Variants in PLCG2 observed in about 807,000 individuals in gnomAD.
The protein encoded by PLCG2 is phospholipase C gamma 2.
PLCG2 carries 69 observed loss-of-function variants against 175.6 expected under a neutral mutation model. The observed-to-expected ratio is 0.39, with a 90% CI of 0.32 to 0.48. The LOEUF is 0.48. PLCG2 is among the 20% of genes least tolerant of loss of function. The pLI is 0.91. For synonymous variants in PLCG2, 827 were observed against 624.0 expected (o/e 1.33, Z -4.85); for missense variants, 1,798 against 1,650.9 (o/e 1.09, Z -1.54).
At chr16:81,762,586 AT>A (rs1910064605) in intron 2 of PLCG2, among the ~76,000 whole-genome samples, 1 of 152,082 alleles carries the variant, frequency 6.6e-6, no homozygotes. Context: ...AAAAAAGTGT[AT>A]AAAATTGTCT....
At chr16:81,824,204 G>C (rs987657681) in intron 2 of PLCG2, among the ~76,000 whole-genome samples, 74 of 147,406 alleles carry the variant, frequency 5.0e-4, no homozygotes, top group African/African-American at 1.8e-3. Flanking sequence ...CGTGATCTCA[G>C]CTCACCGCAA....
chr16:81,807,944 A>G (rs1306062725), intron 2 of PLCG2, among the ~76,000 whole-genome samples: 3 of 152,200 alleles, frequency 2.0e-5, no homozygotes, highest in Non-Finnish European at 2.9e-5. Context: ...AAAACCGTTA[A>G]TGAGCAATTC....
intron 1 of PLCG2, among the ~76,000 whole-genome samples, chr16:81,752,464 G>A (rs1275910713): frequency 6.6e-6 from 1 of 152,164 alleles, no homozygotes; most frequent in Non-Finnish European, 1.5e-5. Flanking sequence ...GGCTGGCCGT[G>A]GCAGCACTAA....
intron 2 of PLCG2, among the ~76,000 whole-genome samples, chr16:81,854,014 G>A (rs1235262814): frequency 1.3e-5 from 2 of 152,116 alleles, no homozygotes; most frequent in East Asian, 1.9e-4. Context: ...CAAGGGAAAA[G>A]GTCATCAAGG....
At chr16:81,818,398 G>T (rs7206632) in intron 2 of PLCG2, among the ~76,000 whole-genome samples, 1 of 152,314 alleles carries the variant, frequency 6.6e-6, no homozygotes, top group East Asian at 1.9e-4. Context: ...TCTTTGAAAG[G>T]GGGCTGTTTG....
At chr16:81,851,715 G>T (rs996072681) in intron 2 of PLCG2, among the ~76,000 whole-genome samples, 4 of 152,228 alleles carry the variant, frequency 2.6e-5, no homozygotes, top group African/African-American at 9.6e-5. Flanking sequence ...GTTTCACCTT[G>T]TTGGCCAGGC....
chr16:81,759,241 A>G (rs1909990543), intron 2 of PLCG2, among the ~76,000 whole-genome samples: 1 of 152,248 alleles, frequency 6.6e-6, no homozygotes, highest in Non-Finnish European at 1.5e-5. Context: ...CCTATTCTGT[A>G]GGCTCCAGTT....
At chr16:81,745,806 T>A (rs140953816) in intron 1 of PLCG2, among the ~76,000 whole-genome samples, 284 of 152,302 alleles carry the variant, frequency 1.9e-3, no homozygotes, top group Non-Finnish European at 3.4e-3. Context: ...GGCATGGGCA[T>A]GTATGTTTAA....
intron 31 of PLCG2, among the ~76,000 whole-genome samples, chr16:81,948,807 G>A (rs1160277728): frequency 6.6e-6 from 1 of 152,194 alleles, no homozygotes. Flanking sequence ...ACCCAAGAGT[G>A]TGACATGACT....
intron 2 of PLCG2, among the ~76,000 whole-genome samples, chr16:81,830,524 C>G (rs529340929): frequency 2.1e-4 from 32 of 151,994 alleles, no homozygotes; most frequent in Non-Finnish European, 4.0e-4. Flanking sequence ...CCATGCTGGT[C>G]TTGGAACTCC....
chr16:81,900,719 C>T lies in PLCG2; in HGVS notation c.1301C>T (p.Thr434Met), dbSNP rs757785924. Residue 434 changes from threonine (T) to methionine (M), a missense_variant, in exon 14 of 33, where the codon ACG becomes ATG. Coordinates refer to ENST00000564138, the MANE Select transcript of PLCG2 (RefSeq NM_002661.5). ...VFGDLLLTKP[T>M]EASADQLPSP... The stretch of plus-strand genomic sequence containing the variant: ...GGCGACCTGCTGTTGACGAAGCCCA[C>T]GGAGGCCAGTGCTGACCAGCTGCCC... 2.0e-5 allele frequency: 33 copies of T among 1,613,212 alleles called. No homozygotes were observed. The highest frequency in any genetic ancestry group is 3.3e-5 in the Admixed American group (2 of 59,970).
chr16:81,758,926 C>A (rs1024284068), intron 2 of PLCG2, among the ~76,000 whole-genome samples: 150 of 152,352 alleles, frequency 9.8e-4, no homozygotes, highest in African/African-American at 3.3e-3. Flanking sequence ...GATCCACCTG[C>A]CTCGGCCTCC....
At chr16:81,883,143 A>G (rs1389207948) in intron 8 of PLCG2, 126 bp from the exon 9 acceptor site, 2 of 752,210 alleles carry the variant, frequency 2.7e-6, no homozygotes, top group Non-Finnish European at 4.7e-6. Flanking sequence ...CCAACCTGGT[A>G]CCTAACACAG....
chr16:81,823,509 T>G (rs918864101), intron 2 of PLCG2, among the ~76,000 whole-genome samples: 1 of 152,160 alleles, frequency 6.6e-6, no homozygotes, highest in Non-Finnish European at 1.5e-5. Context: ...GTTGAAGGCT[T>G]TAAGATGACT....
chr16:81,775,374 G>A (rs1309756751), upstream of PLCG2, among the ~76,000 whole-genome samples: 1 of 152,188 alleles, frequency 6.6e-6, no homozygotes, highest in Non-Finnish European at 1.5e-5. Context: ...GCAGCCCACA[G>A]CCATAAAACT....
chr16:81,760,394 C>G (rs1488221216), intron 2 of PLCG2, among the ~76,000 whole-genome samples: 1 of 152,154 alleles, frequency 6.6e-6, no homozygotes, highest in Non-Finnish European at 1.5e-5. Context: ...TATGTACCCT[C>G]TGACACCTGC....
At chr16:81,784,226 C>A (rs186377096) in intron 1 of PLCG2, among the ~76,000 whole-genome samples, 1 of 152,294 alleles carries the variant, frequency 6.6e-6, no homozygotes, top group Admixed American at 6.5e-5. Flanking sequence ...CCTCCCCATT[C>A]CCCTCATTTG....
At chr16:81,904,569 C>G (rs1195700281) in intron 14 of PLCG2, among the ~76,000 whole-genome samples, 1 of 152,168 alleles carries the variant, frequency 6.6e-6, no homozygotes, top group African/African-American at 2.4e-5. Flanking sequence ...CCCATTGGGT[C>G]CCCCGCCACC....
rs1176307276 is a variant in PLCG2 at position 81,961,150 on chromosome 16, C to G, written c.*3152C>G. On this transcript the variant is annotated 3_prime_UTR_variant, in exon 33 of 33. Transcript: ENST00000564138. Reference sequence around the variant, plus strand: ...AGGAACAGCCTGTAGATTTCTGAGTCTCTTAGCATGTAACTACAAAGGGGT... The same window carrying G: ...AGGAACAGCCTGTAGATTTCTGAGTGTCTTAGCATGTAACTACAAAGGGGT... 4.3e-6 allele frequency: 1 copy of G among 230,650 alleles called. No homozygotes were observed. The highest frequency in any genetic ancestry group is 8.6e-6 in the Non-Finnish European group (1 of 116,422). The allele number at this position is 230,650 out of a possible 1,614,324, so 14.3% of individuals were successfully genotyped here. A position where few individuals can be genotyped will look rare whatever the true frequency, so the allele number is the denominator to read the frequency against.
Sources: gnomAD v4.1 joint callset for allele counts (sites outside exome capture counted in the v4.1 genomes callset) on GRCh38, gnomAD v4.1.1 for gene constraint, MANE v1.5 for transcripts, NCBI Gene and HGNC (gene_info 2026-07-23, HGNC 2026-07-21) for gene names.